CCDC192: variants seen among roughly 807,000 people sequenced by gnomAD.
The protein encoded by CCDC192 is coiled-coil domain-containing protein 192.
intron 5 of CCDC192, among the ~76,000 whole-genome samples, chr5:127,813,398 T>C (rs533141466): frequency 6.6e-6 from 1 of 152,328 alleles, no homozygotes; most frequent in Non-Finnish European, 1.5e-5. Context: ...ATACCCTCTT[T>C]TGCAAAATAA....
intron 6 of CCDC192, among the ~76,000 whole-genome samples, chr5:127,934,076 G>A (rs542018765): frequency 1.2e-4 from 18 of 152,324 alleles, no homozygotes; most frequent in African/African-American, 4.1e-4. Context: ...CTTGCCTCTT[G>A]TTTTCCTTTT....
At chr5:127,784,833 C>A in intron 3 of CCDC192, 1 of 464,586 alleles carries the variant, frequency 2.2e-6, no homozygotes, top group South Asian at 1.8e-5. Flanking sequence ...CAGTCTTCCT[C>A]AATATTTTTG....
intron 6 of CCDC192, among the ~76,000 whole-genome samples, chr5:127,884,235 C>A (rs1459664629): frequency 6.8e-6 from 1 of 147,852 alleles, no homozygotes; most frequent in Admixed American, 6.9e-5. Flanking sequence ...CCCAGCTACT[C>A]GGGAGGCTGA....
At chr5:127,724,563 A>T (rs943196888) in intron 2 of CCDC192, among the ~76,000 whole-genome samples, 1 of 152,196 alleles carries the variant, frequency 6.6e-6, no homozygotes, top group African/African-American at 2.4e-5. Flanking sequence ...TTAAAAAAAA[A>T]GTCTAGGCCG....
chr5:127,826,230 A>G (rs1286393095), intron 5 of CCDC192, among the ~76,000 whole-genome samples: 3 of 152,220 alleles, frequency 2.0e-5, no homozygotes, highest in African/African-American at 7.2e-5. Context: ...AACCACAGTG[A>G]GATACCATCT....
chr5:127,768,107 C>A (rs1294981023), intron 3 of CCDC192, among the ~76,000 whole-genome samples: 1 of 151,948 alleles, frequency 6.6e-6, no homozygotes, highest in Admixed American at 6.6e-5. Context: ...CAAAAATTAT[C>A]CAGGCGTGGT....
intron 6 of CCDC192, among the ~76,000 whole-genome samples, chr5:127,894,187 A>ATT (rs70997350): frequency 3.1e-3 from 347 of 110,904 alleles, no homozygotes; most frequent in African/African-American, 3.7e-3. Flanking sequence ...GTCCTATCTA[A>ATT]TTTTTTTTTT....
intron 6 of CCDC192, among the ~76,000 whole-genome samples, chr5:127,875,972 A>G (rs1258222405): frequency 6.6e-6 from 1 of 151,832 alleles, no homozygotes; most frequent in African/African-American, 2.4e-5. Flanking sequence ...GTAAGAAGGA[A>G]GGCAGGTGCC....
intron 5 of CCDC192, among the ~76,000 whole-genome samples, chr5:127,817,952 G>A (rs1408445650): frequency 6.6e-6 from 1 of 152,074 alleles, no homozygotes; most frequent in Non-Finnish European, 1.5e-5. Context: ...CATTGTAGAA[G>A]TAGTCATACA....
At chr5:127,875,422 G>C in intron 5 of CCDC192, 116 bp from the exon 6 acceptor site, 1 of 390,358 alleles carries the variant, frequency 2.6e-6, no homozygotes, top group Non-Finnish European at 4.5e-6. Flanking sequence ...TAAACAGGGA[G>C]TGTTTCATCT....
chr5:127,841,484 C>A (rs1377194219), intron 5 of CCDC192, among the ~76,000 whole-genome samples: 1 of 151,808 alleles, frequency 6.6e-6, no homozygotes, highest in African/African-American at 2.4e-5. Context: ...TTTTTTTAAT[C>A]TTGGTTTTCA....
chr5:127,919,005 A>G (rs116691411), intron 6 of CCDC192, among the ~76,000 whole-genome samples: 1,896 of 143,440 alleles, frequency 0.013, 21 homozygotes, highest in South Asian at 0.044. Context: ...ATATGTGTGT[A>G]TGTATATATG....
chr5:127,838,459 G>T (rs1162291727), intron 5 of CCDC192: 1 of 152,138 alleles, frequency 6.6e-6, no homozygotes, highest in Non-Finnish European at 1.5e-5. Flanking sequence ...TAGTAAACAT[G>T]TATGTACTCA....
chr5:127,862,214 T>A (rs1200733301), intron 5 of CCDC192, among the ~76,000 whole-genome samples: 1 of 152,152 alleles, frequency 6.6e-6, no homozygotes, highest in Non-Finnish European at 1.5e-5. Flanking sequence ...CTTCAACAAA[T>A]CTCTTTCTCT....
chr5:127,764,737 T>TA (rs879701498), intron 3 of CCDC192, among the ~76,000 whole-genome samples: 1,641 of 146,378 alleles, frequency 0.011, 24 homozygotes, highest in Middle Eastern at 0.035. Flanking sequence ...GCTGATGAGC[T>TA]AAAAAAAAAA....
chr5:127,744,011 A>G (rs185885892), intron 2 of CCDC192, among the ~76,000 whole-genome samples: 2,039 of 149,794 alleles, frequency 0.014, 24 homozygotes, highest in Non-Finnish European at 0.022. Context: ...GGAGAATGGC[A>G]TGAACCCAGG....
At chr5:127,756,110 G>A (rs1328935384) in intron 3 of CCDC192, among the ~76,000 whole-genome samples, 1 of 151,762 alleles carries the variant, frequency 6.6e-6, no homozygotes, top group African/African-American at 2.4e-5. Context: ...TCCAGCCTGG[G>A]CGACAGAGCC....
intron 3 of CCDC192, among the ~76,000 whole-genome samples, chr5:127,766,988 T>C (rs1261863680): frequency 6.6e-6 from 1 of 152,186 alleles, no homozygotes; most frequent in African/African-American, 2.4e-5. Context: ...CTAATTTTTG[T>C]TTCCAAAAGC....
At chr5:127,785,139 C>T (rs1448815415) in intron 3 of CCDC192, 2 of 523,698 alleles carry the variant, frequency 3.8e-6, no homozygotes, top group African/African-American at 3.9e-5. Context: ...TGGATGCCTG[C>T]AAAGTATATC....
Sources: allele counts gnomAD v4.1 joint callset (sites outside exome capture counted in the v4.1 genomes callset), GRCh38; gene constraint gnomAD v4.1.1; transcripts MANE v1.5; gene names NCBI Gene and HGNC (gene_info 2026-07-23, HGNC 2026-07-21).